The following COP1 variants were observed in gnomAD, a reference collection of about 807,000 sequenced individuals.
COP1 encodes the protein E3 ubiquitin-protein ligase COP1.
A neutral mutation model predicts 101.3 loss-of-function variants in COP1; 24 were observed. The ratio of observed to expected loss-of-function variants is 0.24; its 90% confidence interval spans 0.17 to 0.33. The LOEUF (loss-of-function observed/expected upper bound fraction) is 0.33. Among genes scored for constraint, COP1 ranks in the 10% least tolerant of loss-of-function variants. The pLI is 1.00. For synonymous variants in COP1, 347 were observed against 341.9 expected (o/e 1.01, Z -0.17); for missense variants, 663 against 906.2 (o/e 0.73, Z 3.45).
At chr1:175,985,359 C>T (rs1656854804) in intron 18 of COP1, among the ~76,000 whole-genome samples, 1 of 152,102 alleles carries the variant, frequency 6.6e-6, no homozygotes, top group African/African-American at 2.4e-5. Context: ...AAAAATAAAG[C>T]ACTTAGATGA....
At chr1:175,993,110 C>T (rs902444626) in intron 15 of COP1, among the ~76,000 whole-genome samples, 3 of 152,122 alleles carry the variant, frequency 2.0e-5, no homozygotes, top group East Asian at 3.9e-4. Flanking sequence ...CTGCAGCCAC[C>T]GCTGCTGGGA....
At chr1:176,195,898 G>T (rs541047988) in intron 1 of COP1, among the ~76,000 whole-genome samples, 52 of 152,268 alleles carry the variant, frequency 3.4e-4, no homozygotes, top group African/African-American at 1.2e-3. Context: ...GGGGACGGAG[G>T]GGGTTAGGAG....
chr1:176,002,347 T>C (rs771716503), intron 15 of COP1, among the ~76,000 whole-genome samples: 1 of 151,866 alleles, frequency 6.6e-6, no homozygotes, highest in Non-Finnish European at 1.5e-5. Flanking sequence ...TTTTTTAGTT[T>C]TTATTTATTT....
intron 9 of COP1, among the ~76,000 whole-genome samples, chr1:176,114,549 G>A (rs1685853750): frequency 6.7e-6 from 1 of 148,774 alleles, no homozygotes; most frequent in Non-Finnish European, 1.5e-5. Context: ...ATTGTTTTTT[G>A]TTTTACTATA....
At chr1:176,200,742 C>A (rs1333043925) in intron 1 of COP1, among the ~76,000 whole-genome samples, 2 of 151,576 alleles carry the variant, frequency 1.3e-5, no homozygotes, top group Non-Finnish European at 2.9e-5. Flanking sequence ...GAGAAAGTAC[C>A]AACCTATCTG....
At chr1:176,060,024 C>G (rs931984613) in intron 11 of COP1, among the ~76,000 whole-genome samples, 4 of 152,070 alleles carry the variant, frequency 2.6e-5, no homozygotes, top group Non-Finnish European at 5.9e-5. Context: ...TGACCTTATT[C>G]TGAATTAATG....
intron 2 of COP1, 25 bp from the exon 3 acceptor site, chr1:176,176,032 G>A: frequency 8.8e-7 from 1 of 1,131,006 alleles, no homozygotes; most frequent in Non-Finnish European, 1.3e-6. Flanking sequence ...GGAAAAAAAA[G>A]GCTTAATTAA....
At chr1:176,165,392 GT>G (rs777650698) in intron 3 of COP1, among the ~76,000 whole-genome samples, 2,091 of 148,826 alleles carry the variant, frequency 0.014, 29 homozygotes, top group African/African-American at 0.037. Context: ...GTGTGTGTGT[GT>G]GTGTGTGTGT....
chr1:176,010,616 G>T lies in COP1; in HGVS notation c.1729+16956C>A, dbSNP rs927600604. Among the ~76,000 whole-genome samples, 6 of 152,248 alleles carry T rather than the reference G, an allele frequency of 3.9e-5. No homozygotes were observed. In the South Asian group the frequency reaches 1.2e-3, roughly 32 times the overall value. On this transcript the variant is annotated intron_variant, in intron 15 of 19. Coordinates refer to ENST00000367669, the MANE Select transcript of COP1 (RefSeq NM_022457.7). ...TCCTTTCTATCACATCAAAAGAAGA[G>T]GCACATGTTTGTTCCAATGGTGATG...
At chr1:176,028,260 T>C (rs1668022613) in intron 14 of COP1, among the ~76,000 whole-genome samples, 1 of 151,950 alleles carries the variant, frequency 6.6e-6, no homozygotes, top group Non-Finnish European at 1.5e-5. Flanking sequence ...AGTTTCAATG[T>C]CAAAAATCAA....
intron 9 of COP1, among the ~76,000 whole-genome samples, chr1:176,101,406 A>G (rs538456621): frequency 7.4e-5 from 11 of 148,526 alleles, no homozygotes; most frequent in South Asian, 2.1e-4. Flanking sequence ...ACTCCTTTGG[A>G]AAAAAAAAGG....
chr1:176,124,421 C>T (rs978523277), intron 8 of COP1, among the ~76,000 whole-genome samples: 15 of 151,154 alleles, frequency 9.9e-5, no homozygotes, highest in Non-Finnish European at 2.2e-4. Context: ...CCCCCAGCCC[C>T]GTACTACCCC....
At chr1:176,198,448 G>A (rs111490456) in intron 1 of COP1, among the ~76,000 whole-genome samples, 3,810 of 152,136 alleles carry the variant, frequency 0.025, 153 homozygotes, top group African/African-American at 0.086. Context: ...CAAACACAGT[G>A]TATAAAAACT....
At chr1:176,081,046 TACTTCAGA>T in intron 11 of COP1, 98 bp downstream of exon 11, 1 of 976,358 alleles carries the variant, frequency 1.0e-6, no homozygotes, top group Non-Finnish European at 1.5e-6. Context: ...ATTGGCAGGC[TACTTCAGA>T]ACCCACGCTT....
intron 11 of COP1, among the ~76,000 whole-genome samples, chr1:176,075,427 A>C (rs1398064084): frequency 6.6e-6 from 1 of 152,204 alleles, no homozygotes; most frequent in Admixed American, 6.5e-5. Flanking sequence ...ACACGTTAAA[A>C]CTTACCAAAT....
At chr1:176,034,452 G>A (rs1261842450) in intron 14 of COP1, among the ~76,000 whole-genome samples, 1 of 152,132 alleles carries the variant, frequency 6.6e-6, no homozygotes, top group South Asian at 2.1e-4. Flanking sequence ...TGAAAAAGGC[G>A]AATCCCCATT....
chr1:176,058,867 T>C (rs1352246199), intron 11 of COP1, among the ~76,000 whole-genome samples: 1 of 151,780 alleles, frequency 6.6e-6, no homozygotes, highest in Non-Finnish European at 1.5e-5. Flanking sequence ...CATATGTGAG[T>C]TACTGACTTC....
At chr1:175,994,188 A>T (rs1337935673) in intron 15 of COP1, among the ~76,000 whole-genome samples, 2 of 152,188 alleles carry the variant, frequency 1.3e-5, no homozygotes, top group Non-Finnish European at 2.9e-5. Context: ...ACAGACAAAC[A>T]AATGCTGAGA....
chr1:176,197,986 G>A (rs980551580), intron 1 of COP1, among the ~76,000 whole-genome samples: 1 of 152,022 alleles, frequency 6.6e-6, no homozygotes, highest in African/African-American at 2.4e-5. Context: ...CATAAACACT[G>A]CTAAGAGAAA....
Sources: allele counts gnomAD v4.1 joint callset (sites outside exome capture counted in the v4.1 genomes callset), GRCh38; gene constraint gnomAD v4.1.1; transcripts MANE v1.5; gene names NCBI Gene and HGNC (gene_info 2026-07-23, HGNC 2026-07-21).